DIS3L2: variants seen among roughly 807,000 people sequenced by gnomAD.
DIS3L2 encodes the protein DIS3 like 3'-5' exoribonuclease 2.
DIS3L2 carries 34 observed loss-of-function variants against 97.5 expected under a neutral mutation model. The observed-to-expected ratio is 0.35, with a 90% CI of 0.27 to 0.46. The LOEUF is 0.46. DIS3L2 is among the 20% of genes least tolerant of loss of function. The probability of loss-of-function intolerance (pLI) is 1.00; values close to 1 mark genes in which losing one functional copy is unlikely to be tolerated. For missense variants in DIS3L2, 1,038 were observed against 1,146.0 expected, an observed-to-expected ratio of 0.91 and a Z score of 1.36; for synonymous variants, 435 against 445.2, an observed-to-expected ratio of 0.98 and a Z score of 0.29.
At chr2:232,122,356 G>A (rs1439016652) in intron 6 of DIS3L2, among the ~76,000 whole-genome samples, 1 of 152,144 alleles carries the variant, frequency 6.6e-6, no homozygotes, top group Non-Finnish European at 1.5e-5. Flanking sequence ...TTGTAATGCT[G>A]CCATTGTCCT....
At chr2:232,225,447 A>C (rs1341839064) in intron 10 of DIS3L2, among the ~76,000 whole-genome samples, 1 of 152,250 alleles carries the variant, frequency 6.6e-6, no homozygotes, top group Non-Finnish European at 1.5e-5. Flanking sequence ...CGCTGTGTTG[A>C]GCAAAATAAG....
At chr2:232,197,019 G>T (rs1466436109) in intron 9 of DIS3L2, among the ~76,000 whole-genome samples, 1 of 152,086 alleles carries the variant, frequency 6.6e-6, no homozygotes, top group Non-Finnish European at 1.5e-5. Flanking sequence ...ACTTGCATTT[G>T]CATTTTAGCC....
chr2:232,252,213 G>A (rs533694043), intron 12 of DIS3L2, among the ~76,000 whole-genome samples: 2 of 152,272 alleles, frequency 1.3e-5, no homozygotes, highest in East Asian at 3.9e-4. Context: ...TTCAAGACCA[G>A]CCTGGCCAAC....
chr2:232,175,037 C>T (rs1441550798), intron 9 of DIS3L2, among the ~76,000 whole-genome samples: 1 of 152,088 alleles, frequency 6.6e-6, no homozygotes, highest in Middle Eastern at 3.4e-3. Flanking sequence ...CTGTGTTGCC[C>T]GGGCTGCTCT....
intron 1 of DIS3L2, among the ~76,000 whole-genome samples, chr2:231,982,449 T>G (rs1335993649): frequency 2.6e-5 from 4 of 152,230 alleles, no homozygotes; most frequent in Admixed American, 6.5e-5. Context: ...ATTTCATCTT[T>G]CTGCAGTTAA....
At chr2:232,265,790 G>A (rs1274373160) in intron 13 of DIS3L2, among the ~76,000 whole-genome samples, 2 of 152,164 alleles carry the variant, frequency 1.3e-5, no homozygotes, top group African/African-American at 4.8e-5. Flanking sequence ...CTTCATAAAT[G>A]TCTAAATTCT....
intron 10 of DIS3L2, among the ~76,000 whole-genome samples, chr2:232,217,608 C>T (rs1692376223): frequency 1.3e-5 from 2 of 152,204 alleles, no homozygotes; most frequent in African/African-American, 4.8e-5. Flanking sequence ...GCAACCCCCT[C>T]CTTGAGTTTC....
At chr2:232,321,245 C>G (rs564414300) in intron 14 of DIS3L2, among the ~76,000 whole-genome samples, 1 of 152,304 alleles carries the variant, frequency 6.6e-6, no homozygotes, top group African/African-American at 2.4e-5. Context: ...CAGCTAAGGA[C>G]CTCATGCCAC....
chr2:231,967,667 G>A (rs1692761742), intron 1 of DIS3L2, among the ~76,000 whole-genome samples: 1 of 152,038 alleles, frequency 6.6e-6, no homozygotes, highest in African/African-American at 2.4e-5. Flanking sequence ...AAAAAGAATT[G>A]TTCTGAGATT....
intron 14 of DIS3L2, among the ~76,000 whole-genome samples, chr2:232,326,993 A>G (rs369745186): frequency 0.064 from 8,848 of 138,854 alleles, 68 homozygotes; most frequent in East Asian, 0.11. Flanking sequence ...AGGGGCTTCC[A>G]CAGCGGCCCC....
intron 14 of DIS3L2, among the ~76,000 whole-genome samples, chr2:232,318,743 G>T (rs147976850): frequency 6.6e-6 from 1 of 152,170 alleles, no homozygotes; most frequent in Non-Finnish European, 1.5e-5. Context: ...AGAGTCATGG[G>T]ACAAGAACCA....
rs374385308 is a variant in DIS3L2, at chr2:232,300,106, C to T, written c.1726C>T (p.Arg576Cys). The stretch of plus-strand genomic sequence containing the variant: ...TCAAGGATGTCATATCTATGAGTAC[C>T]GCGAGAGCAACAAGTAAGCCACTCA... ...LPQGCHIYEY[R>C]ESNKLVEEFM... Residue 576 changes from arginine to cysteine, a missense_variant, in exon 14 of 21, where the codon CGC becomes TGC. This residue lies in a region of DIS3L2 where 813 missense variants were observed against 880.1 expected (regional missense o/e 0.92). Transcript: ENST00000325385. The T allele has an allele frequency of 3.0e-5, 49 of 1,613,576 alleles. No homozygotes were observed. In the Admixed American group the frequency reaches 5.0e-4, roughly 16 times the overall value.
At chr2:231,966,170 TC>T (rs1241599275) in intron 1 of DIS3L2, among the ~76,000 whole-genome samples, 2 of 119,722 alleles carry the variant, frequency 1.7e-5, no homozygotes, top group South Asian at 2.4e-4. Context: ...TTCTTCTTCT[TC>T]TTTTTTTTTT....
chr2:232,265,711 GTC>G (rs1490135509), intron 13 of DIS3L2, among the ~76,000 whole-genome samples: 1 of 152,240 alleles, frequency 6.6e-6, no homozygotes, highest in East Asian at 1.9e-4. Flanking sequence ...ATAAGGATAA[GTC>G]TTTAAAAATT....
intron 5 of DIS3L2, among the ~76,000 whole-genome samples, chr2:232,073,523 C>T (rs1207784861): frequency 2.0e-5 from 3 of 152,196 alleles, no homozygotes; most frequent in Non-Finnish European, 4.4e-5. Flanking sequence ...ACAGAATTTT[C>T]CAGTGCTAAT....
chr2:232,057,640 A>G (rs990111572), intron 5 of DIS3L2, among the ~76,000 whole-genome samples: 3 of 152,212 alleles, frequency 2.0e-5, no homozygotes, highest in Non-Finnish European at 4.4e-5. Context: ...TCGTTAAACC[A>G]TAGATGAGAT....
At chr2:232,135,690 T>G (rs1251849774) in intron 7 of DIS3L2, among the ~76,000 whole-genome samples, 1 of 152,024 alleles carries the variant, frequency 6.6e-6, no homozygotes, top group Admixed American at 6.5e-5. Context: ...GGAGGTTTCC[T>G]GCAGACAGGC....
intron 6 of DIS3L2, among the ~76,000 whole-genome samples, chr2:232,088,129 A>G (rs1007749943): frequency 1.3e-5 from 2 of 152,134 alleles, no homozygotes; most frequent in Non-Finnish European, 2.9e-5. Flanking sequence ...GGCTGGGCAC[A>G]GTGGCTCACG....
intron 7 of DIS3L2, among the ~76,000 whole-genome samples, chr2:232,135,273 T>C (rs770165402): frequency 2.0e-5 from 3 of 151,942 alleles, no homozygotes; most frequent in Non-Finnish European, 4.4e-5. Context: ...AATAATAAGA[T>C]GGGGACCACC....
Sources: allele counts gnomAD v4.1 joint callset (sites outside exome capture counted in the v4.1 genomes callset), GRCh38; gene constraint gnomAD v4.1.1; regional missense constraint gnomAD v4.1.1; transcripts MANE v1.5; gene names NCBI Gene and HGNC (gene_info 2026-07-23, HGNC 2026-07-21).